COL5A2: variants seen among roughly 807,000 people sequenced by gnomAD.
COL5A2 encodes collagen type V alpha 2 chain.
In COL5A2, 23 loss-of-function variants were observed where a neutral mutation model predicts 208.2. The observed-to-expected ratio is 0.11, with a 90% CI of 0.08 to 0.16. The LOEUF (loss-of-function observed/expected upper bound fraction) is 0.16, where lower values mean the gene tolerates loss of function less well. Ranked by LOEUF, COL5A2 falls within the 10% of genes least tolerant of loss-of-function variation. The pLI is 1.00. For synonymous variants in COL5A2, 625 were observed against 628.5 expected, an observed-to-expected ratio of 0.99 and a Z score of 0.08; for missense variants, 1,590 against 1,956.4, an observed-to-expected ratio of 0.81 and a Z score of 3.53.
chr2:189,058,683 A>G (rs897405618), intron 32 of COL5A2, among the ~76,000 whole-genome samples, 156 bp from the exon 33 acceptor site: 4 of 152,258 alleles, frequency 2.6e-5, no homozygotes, highest in Non-Finnish European at 5.9e-5. Context: ...AATTTGAAGT[A>G]AGGATATGCT....
At chr2:189,404,661 T>A in the COL5A2 span, among the ~76,000 whole-genome samples, 1 of 152,202 alleles carries the variant, frequency 6.6e-6, no homozygotes, top group Non-Finnish European at 1.5e-5. Context: ...CATCCACATA[T>A]ATCCTATTGG....
chr2:189,344,769 A>T, the COL5A2 span, among the ~76,000 whole-genome samples: 1 of 152,164 alleles, frequency 6.6e-6, no homozygotes, highest in African/African-American at 2.4e-5. Context: ...GGCAATCAGG[A>T]ATGTAGTTGG....
Position 189,089,169 on chromosome 2 carries a change from T to C in COL5A2, c.568-397A>G, listed in dbSNP as rs553487436. ...AGCCTAAAAGATGCCTTTAAAACAT[T>C]TGTCCTAAAGATTCCAGATTCCATT... On this transcript the variant is annotated intron_variant, in intron 7 of 53. Coordinates refer to ENST00000374866, the MANE Select transcript of COL5A2 (RefSeq NM_000393.5). 1.2e-4 allele frequency among the ~76,000 whole-genome samples: 19 copies of C among 152,344 alleles called. 1 individual carries two copies. The South Asian group carries it at 3.7e-3, about 30-fold the overall frequency.
intron 1 of COL5A2, among the ~76,000 whole-genome samples, chr2:189,145,987 G>C (rs1378680468): frequency 6.6e-6 from 1 of 152,044 alleles, no homozygotes; most frequent in Non-Finnish European, 1.5e-5. Flanking sequence ...TTACATTGAA[G>C]GCAAGGACCA....
rs570751002 is a variant in COL5A2, at chr2:189,089,311, A to G, written c.568-539T>C. ...TTTTAATGAATCCCTGAATGTTCCA[A>G]GTTTGGAAACAGTTTGACCTACTCT... On this transcript the variant is annotated intron_variant, in intron 7 of 53. Transcript: ENST00000374866. Among the ~76,000 whole-genome samples, 107 of 152,324 alleles carry G rather than the reference A, an allele frequency of 7.0e-4. 1 individual carries two copies. The highest frequency in any genetic ancestry group is 1.4e-3 in the Non-Finnish European group (93 of 68,012).
intron 1 of COL5A2, among the ~76,000 whole-genome samples, chr2:189,116,927 C>T (rs2105727139): frequency 6.6e-6 from 1 of 152,266 alleles, no homozygotes; most frequent in East Asian, 1.9e-4. Context: ...CATTTCAATG[C>T]ATTTCAGTGA....
At chr2:189,176,439 G>C (rs1358905851) in intron 1 of COL5A2, among the ~76,000 whole-genome samples, 2 of 152,128 alleles carry the variant, frequency 1.3e-5, no homozygotes, top group East Asian at 3.9e-4. Context: ...AAGCATTGAG[G>C]TTTACAGTAT....
the COL5A2 span, among the ~76,000 whole-genome samples, chr2:189,435,521 T>C: frequency 6.6e-6 from 1 of 151,962 alleles, no homozygotes; most frequent in African/African-American, 2.4e-5. Flanking sequence ...GCAAAGGATA[T>C]GAACAGACAC....
chr2:189,311,382 T>C, the COL5A2 span: 3,149 of 984,366 alleles, frequency 3.2e-3, 60 homozygotes, highest in African/African-American at 0.045. Flanking sequence ...TCACCAAGAT[T>C]GAAGTCCTCA....
the COL5A2 span, among the ~76,000 whole-genome samples, chr2:189,248,473 CAA>C: frequency 2.6e-5 from 4 of 151,920 alleles, no homozygotes; most frequent in African/African-American, 9.7e-5. Context: ...TAAAATGAAA[CAA>C]AGAAGTATTA....
chr2:189,067,312 G>A (rs1457061680), intron 21 of COL5A2, among the ~76,000 whole-genome samples: 2 of 151,998 alleles, frequency 1.3e-5, no homozygotes, highest in Non-Finnish European at 2.9e-5. Context: ...TGTAAGAACT[G>A]GATTGCAAAA....
intron 1 of COL5A2, among the ~76,000 whole-genome samples, chr2:189,191,158 A>AAAAAAAAAAAAAAAAAAAAAC (rs764677628): frequency 7.6e-6 from 1 of 130,746 alleles, no homozygotes; most frequent in Non-Finnish European, 1.6e-5. Flanking sequence ...AAAACAAAAA[A>AAAAAAAAAAAAAAAAAAAAAC]CAAACAAACA....
At chr2:189,295,987 C>G in the COL5A2 span, among the ~76,000 whole-genome samples, 1 of 151,858 alleles carries the variant, frequency 6.6e-6, no homozygotes, top group Non-Finnish European at 1.5e-5. Flanking sequence ...TTTTGAGCTT[C>G]CAGGATTTAC....
chr2:189,136,107 T>C (rs1452171922), intron 1 of COL5A2, among the ~76,000 whole-genome samples: 1 of 152,240 alleles, frequency 6.6e-6, no homozygotes, highest in Non-Finnish European at 1.5e-5. Flanking sequence ...AGCTCTGTTT[T>C]CTCAGCACTG....
the COL5A2 span, among the ~76,000 whole-genome samples, chr2:189,250,091 C>T: frequency 6.6e-6 from 1 of 152,146 alleles, no homozygotes; most frequent in Non-Finnish European, 1.5e-5. Flanking sequence ...AGTCATGTCT[C>T]CCATGAAAAT....
chr2:189,398,022 C>T, the COL5A2 span, among the ~76,000 whole-genome samples: 1 of 152,012 alleles, frequency 6.6e-6, no homozygotes, highest in Non-Finnish European at 1.5e-5. Context: ...TTTCTAATGT[C>T]TGTGGTAATG....
At chr2:189,088,552 G>C (rs199718401) in intron 8 of COL5A2, 143 bp downstream of exon 8, 1 of 588,220 alleles carries the variant, frequency 1.7e-6, no homozygotes, top group Non-Finnish European at 3.0e-6. Flanking sequence ...GAGTAAATAA[G>C]TTAATTAAAT....
At chr2:189,263,818 A>C in the COL5A2 span, among the ~76,000 whole-genome samples, 5 of 152,154 alleles carry the variant, frequency 3.3e-5, no homozygotes, top group Admixed American at 3.3e-4. Context: ...GTGTGTAGTA[A>C]GTAATCTAGG....
intron 1 of COL5A2, among the ~76,000 whole-genome samples, chr2:189,144,962 T>A (rs969388632): frequency 3.9e-5 from 6 of 152,176 alleles, no homozygotes. Flanking sequence ...GCAATTTTCC[T>A]CTTGTTCCAA....
Sources: allele counts gnomAD v4.1 joint callset (sites outside exome capture counted in the v4.1 genomes callset), GRCh38; gene constraint gnomAD v4.1.1; transcripts MANE v1.5; gene names NCBI Gene and HGNC (gene_info 2026-07-23, HGNC 2026-07-21).